PLXNB2: variants seen among roughly 807,000 people sequenced by gnomAD.
PLXNB2 encodes plexin-B2.
In PLXNB2, 85 loss-of-function variants were observed where a neutral mutation model predicts 202.6. The ratio of observed to expected loss-of-function variants is 0.42; its 90% CI spans 0.35 to 0.50. The LOEUF is 0.50. PLXNB2 is among the 20% of genes least tolerant of loss of function. The pLI is 0.02. For missense variants in PLXNB2, 2,063 were observed against 2,586.2 expected (o/e 0.80, Z 4.39); for synonymous variants, 1,239 against 1,137.6 (o/e 1.09, Z -1.79).
Position 50,286,292 on chromosome 22 carries a change from A to C in PLXNB2, c.1763-5T>G. 6 of 1,604,908 alleles carry C rather than the reference A, an allele frequency of 3.7e-6. No individual in the cohort carries two copies. Among genetic ancestry groups the C allele is most frequent in the Non-Finnish European group, 5.1e-6 (6 of 1,172,814 alleles). ...GGATGGTCACGGCCACGTGGTCTGC[A>C]GACAGCAGAGGGGGAGGTGTCAAGG... On this transcript the variant is annotated splice_polypyrimidine_tract_variant and splice_region_variant and intron_variant, in intron 8 of 36. Transcript: ENST00000359337.
chr22:50,276,833 C>T lies in PLXNB2; in HGVS notation c.5261+9G>A, dbSNP rs1427955224. On this transcript the variant is annotated intron_variant, in intron 34 of 36. Coordinates refer to ENST00000359337, the MANE Select transcript of PLXNB2 (RefSeq NM_012401.4). ...ATGGGGGCCTGGCCTGGAGGGCAGGCAGACTTACTCCTCCACCATCTTCTT... is the reference window on the plus strand; with the variant it reads ...ATGGGGGCCTGGCCTGGAGGGCAGGTAGACTTACTCCTCCACCATCTTCTT... 6.2e-7 allele frequency: 1 copy of T among 1,606,484 alleles called. No homozygotes were observed. Among genetic ancestry groups the T allele is most frequent in the Admixed American group, 1.7e-5 (1 of 58,970 alleles).
At chr22:50,295,087 G>A (rs1348579998) in intron 1 of PLXNB2, among the ~76,000 whole-genome samples, 2 of 152,160 alleles carry the variant, frequency 1.3e-5, no homozygotes, top group African/African-American at 2.4e-5. Flanking sequence ...TTGGGAGGCC[G>A]AGGCGGGAGG....
chr22:50,287,341 G>C, intron 7 of PLXNB2, 77 bp from the exon 8 acceptor site: 1 of 1,408,198 alleles, frequency 7.1e-7, no homozygotes, highest in Non-Finnish European at 9.4e-7. Context: ...CGACCTCCCT[G>C]CGTGTGTGGG....
Position 50,281,942 on chromosome 22 carries a change from G to A in PLXNB2, c.3257C>T (p.Ala1086Val), listed in dbSNP as rs758165010. The change falls in exon 20 of 37, where the codon GCC (alanine) becomes GTC (valine). Residue 1086 changes from alanine to valine, a missense_variant. Around this residue, in one of 2 missense-constraint regions of PLXNB2, gnomAD observed 760 missense variants for 1,109.4 expected, o/e 0.69. Transcript: ENST00000359337. ...DGHRALLRTE[A>V]GAFEYVPDPT... The stretch of plus-strand genomic sequence containing the variant: ...GTCAGGCACGTACTCGAAGGCCCCG[G>A]CCTCTGTTCTGAGCAGGGCACGGTG... 6.2e-7 allele frequency: 1 copy of A among 1,613,132 alleles called. No homozygotes were observed. The highest frequency in any genetic ancestry group is 8.5e-7 in the Non-Finnish European group (1 of 1,179,996).
chr22:50,296,113 A>C (rs951837409), intron 1 of PLXNB2, among the ~76,000 whole-genome samples: 1 of 151,806 alleles, frequency 6.6e-6, no homozygotes, highest in African/African-American at 2.4e-5. Flanking sequence ...AAAAAAGAAA[A>C]GAAAATAGTG....
chr22:50,282,456 G>A (rs910586919), intron 18 of PLXNB2, 143 bp from the exon 19 acceptor site: 48 of 738,708 alleles, frequency 6.5e-5, no homozygotes, highest in African/African-American at 4.8e-4. Context: ...GGGGCAACGC[G>A]GTGGGACGTG....
In PLXNB2 at chr22:50,299,340, G is replaced by T. The variant is rs1025569888; in HGVS notation, c.-73-4562C>A. On this transcript the variant is annotated intron_variant, in intron 1 of 36. Transcript: ENST00000359337. ...GTGCGGGGGCGGGGGAAGCAGCCTC[G>T]GACCAAGTGAGCGATAGGCTGCCCC... 3.5e-3 allele frequency among the ~76,000 whole-genome samples: 534 copies of T among 151,618 alleles called. 8 individuals carry two copies. Among genetic ancestry groups the T allele is most frequent in the African/African-American group, 0.012 (511 of 41,302 alleles).
chr22:50,282,114 C>G (rs764515134), intron 19 of PLXNB2, 33 bp from the exon 20 acceptor site: 1 of 1,604,638 alleles, frequency 6.2e-7, no homozygotes, highest in Admixed American at 1.7e-5. Flanking sequence ...AGCCCCCGGG[C>G]GCAGACCCCG....
At chr22:50,290,882 C>T (rs1326328077) in intron 2 of PLXNB2, among the ~76,000 whole-genome samples, 1 of 152,190 alleles carries the variant, frequency 6.6e-6, no homozygotes, top group Non-Finnish European at 1.5e-5. Flanking sequence ...CTGAAAACAC[C>T]GGCAGGCCTA....
intron 1 of PLXNB2, among the ~76,000 whole-genome samples, chr22:50,306,106 C>G (rs2067872762): frequency 6.6e-6 from 1 of 152,198 alleles, no homozygotes; most frequent in South Asian, 2.1e-4. Flanking sequence ...CTGGATGATC[C>G]AAAATAATTC....
chr22:50,283,548 C>A, intron 15 of PLXNB2, 54 bp downstream of exon 15: 2 of 1,594,762 alleles, frequency 1.3e-6, no homozygotes, highest in Non-Finnish European at 1.7e-6. Context: ...ACCCGGAACC[C>A]CAGCGTGGGT....
chr22:50,282,995 C>T lies in PLXNB2; in HGVS notation c.2816+55G>A. On this transcript the variant is annotated intron_variant, in intron 17 of 36. Transcript: ENST00000359337. ...CCACTCAGGTCTCAGTAAGTGCCCC[C>T]CTCCATACCCAGGGCCAGGGCCAAC... 3.8e-6 allele frequency: 6 copies of T among 1,579,264 alleles called. No homozygotes were observed. The East Asian group carries it at 1.1e-4, about 30-fold the overall frequency.
intron 25 of PLXNB2, 82 bp from the exon 26 acceptor site, chr22:50,280,153 C>A (rs1258044274): frequency 8.4e-7 from 1 of 1,190,754 alleles, no homozygotes; most frequent in Non-Finnish European, 1.2e-6. Flanking sequence ...ACCCGGCCAC[C>A]CTTGCGCCAG....
At chr22:50,286,808 G>C (rs140030949) in intron 8 of PLXNB2, among the ~76,000 whole-genome samples, 3,033 of 152,312 alleles carry the variant, frequency 0.02, 52 homozygotes, top group South Asian at 0.035. Context: ...CGTCTGCCGA[G>C]ACGACGGGGC....
chr22:50,288,829 T>C lies in PLXNB2; in HGVS notation c.1294A>G (p.Ile432Val), dbSNP rs750470230. The change falls in exon 5 of 37, where the codon ATC (isoleucine) becomes GTC (valine). Residue 432 changes from isoleucine (I) to valine (V), a missense_variant. Ile to Val is a conservative substitution (Grantham distance 29). Around this residue, in one of 2 missense-constraint regions of PLXNB2, gnomAD observed 1,303 missense variants for 1,476.8 expected, o/e 0.88. Transcript: ENST00000359337. This position sits in a 1 kb window ranked among gnomAD's most constrained non-coding sequence, Gnocchi z 5.0. ...ACTCTCTTGTTTATCTCCACAAGGA[T>C]AGAGTCGTACTCTGAGGAGGTGCCA... The part of the protein sequence containing the change: ...PDGTSSEYDS[I>V]LVEINKRVKR... The C allele has an allele frequency of 4.3e-6, 7 of 1,613,318 alleles. No individual in the cohort carries two copies. The highest frequency in any genetic ancestry group is 1.7e-5 in the Admixed American group (1 of 59,994).
intron 1 of PLXNB2, among the ~76,000 whole-genome samples, chr22:50,304,644 C>T (rs1376475853): frequency 6.6e-6 from 1 of 151,914 alleles, no homozygotes. Flanking sequence ...GGCCCCAGAG[C>T]CTGAGCACCC....
chr22:50,282,358 C>T (rs1168960956), intron 18 of PLXNB2, 45 bp from the exon 19 acceptor site: 1 of 1,552,764 alleles, frequency 6.4e-7, no homozygotes, highest in Non-Finnish European at 8.7e-7. Flanking sequence ...CAGGGGTGGT[C>T]CCTGCAGCCT....
intron 18 of PLXNB2, 35 bp from the exon 19 acceptor site, chr22:50,282,348 C>A: frequency 6.4e-7 from 1 of 1,564,046 alleles, no homozygotes; most frequent in Non-Finnish European, 8.7e-7. Context: ...GCTCGGCTGG[C>A]AGGGGTGGTC....
chr22:50,280,421 G>A (rs988320601), intron 25 of PLXNB2, 68 bp downstream of exon 25: 9 of 1,444,382 alleles, frequency 6.2e-6, no homozygotes, highest in Admixed American at 2.2e-5. Context: ...TGTGCCACCC[G>A]CCACCAGCCC....
Sources: allele counts gnomAD v4.1 joint callset (sites outside exome capture counted in the v4.1 genomes callset), GRCh38; gene constraint gnomAD v4.1.1; regional missense constraint gnomAD v4.1.1; non-coding constraint Gnocchi (gnomAD v3.1); transcripts MANE v1.5; gene names NCBI Gene and HGNC (gene_info 2026-07-23, HGNC 2026-07-21).